The following GRID2 variants were observed in gnomAD, a reference collection of about 807,000 sequenced individuals.
GRID2 encodes glutamate ionotropic receptor delta type subunit 2, also known as glutamate receptor ionotropic, delta-2.
A neutral mutation model predicts 114.8 loss-of-function variants in GRID2; 33 were observed. The ratio of observed to expected loss-of-function variants is 0.29; its 90% CI spans 0.22 to 0.38. GRID2 has a LOEUF of 0.38. Ranked by LOEUF, GRID2 falls within the 10% of genes least tolerant of loss-of-function variation. The pLI is 1.00. For synonymous variants in GRID2, 505 were observed against 449.9 expected (o/e 1.12, Z -1.55); for missense variants, 1,184 against 1,257.7 (o/e 0.94, Z 0.89).
chr4:93,627,294 G>T (rs1225105215), intron 14 of GRID2, among the ~76,000 whole-genome samples: 1 of 151,998 alleles, frequency 6.6e-6, no homozygotes, highest in Non-Finnish European at 1.5e-5. Context: ...TAGTACTAAG[G>T]CCCTAAATTT....
At chr4:92,612,987 C>A in intron 2 of GRID2, among the ~76,000 whole-genome samples, 1 of 151,270 alleles carries the variant, frequency 6.6e-6, no homozygotes, top group East Asian at 1.9e-4. Flanking sequence ...AAAGTAAAAA[C>A]CATTTCCTGT....
intron 4 of GRID2, among the ~76,000 whole-genome samples, chr4:93,136,791 T>G (rs1284077882): frequency 3.3e-5 from 5 of 152,166 alleles, no homozygotes; most frequent in Admixed American, 3.3e-4. Context: ...TGATTTAAGG[T>G]GATTCCACAA....
At chr4:93,510,560 A>AAC (rs1729064242) in intron 12 of GRID2, among the ~76,000 whole-genome samples, 1 of 152,182 alleles carries the variant, frequency 6.6e-6, no homozygotes, top group Admixed American at 6.6e-5. Flanking sequence ...TGTCCCAGAG[A>AAC]GTTTGCTATG....
intron 9 of GRID2, among the ~76,000 whole-genome samples, chr4:93,405,632 C>T (rs939062455): frequency 6.6e-6 from 1 of 152,098 alleles, no homozygotes; most frequent in African/African-American, 2.4e-5. Context: ...GATTGACTTC[C>T]ATAATCAAAT....
chr4:93,200,427 G>T (rs556659645), intron 4 of GRID2, among the ~76,000 whole-genome samples: 2 of 152,030 alleles, frequency 1.3e-5, no homozygotes, highest in East Asian at 3.9e-4. Flanking sequence ...TTAGCCGGGC[G>T]TGGTAGCGGG....
intron 2 of GRID2, among the ~76,000 whole-genome samples, chr4:92,998,608 T>C (rs1375452016): frequency 6.6e-6 from 1 of 151,924 alleles, no homozygotes; most frequent in Non-Finnish European, 1.5e-5. Flanking sequence ...GTATTATTGT[T>C]CAAACAAGCT....
At chr4:92,304,819 C>T (rs1560557012) in intron 1 of GRID2, 75 bp downstream of exon 1, 5 of 1,026,800 alleles carry the variant, frequency 4.9e-6, no homozygotes, top group Non-Finnish European at 7.7e-6. Context: ...CGCTTTCCCC[C>T]TCTCCGGTCT....
Position 93,030,713 on chromosome 4 carries a change from C to T in GRID2, c.245-54282C>T, listed in dbSNP as rs116083444. The stretch of plus-strand genomic sequence containing the variant: ...GCTGCATCTTTCAAGACCGTAATAG[C>T]ATCTACAAACAGACCTCTTCAAATG... On this transcript the variant is annotated intron_variant, in intron 2 of 15. Transcript: ENST00000282020. Among the ~76,000 whole-genome samples, 728 of 151,940 alleles carry T rather than the reference C, an allele frequency of 4.8e-3. 8 individuals carry two copies. The highest frequency in any genetic ancestry group is 0.017 in the African/African-American group (699 of 41,440).
intron 2 of GRID2, among the ~76,000 whole-genome samples, chr4:93,051,058 T>TG (rs1181393500): frequency 6.6e-6 from 1 of 152,060 alleles, no homozygotes; most frequent in Non-Finnish European, 1.5e-5. Context: ...ACATCACTCT[T>TG]ATTCAACACA....
chr4:93,021,954 T>C (rs1402540222), intron 2 of GRID2, among the ~76,000 whole-genome samples: 1 of 151,098 alleles, frequency 6.6e-6, no homozygotes, highest in Non-Finnish European at 1.5e-5. Context: ...AAACTTCATA[T>C]TACATTGGTG....
intron 1 of GRID2, among the ~76,000 whole-genome samples, chr4:92,336,466 G>T (rs921051427): frequency 6.6e-6 from 1 of 152,014 alleles, no homozygotes; most frequent in Non-Finnish European, 1.5e-5. Flanking sequence ...AGAAGCAATC[G>T]TTCCTCCACA....
chr4:93,649,188 G>A (rs1722372333), intron 14 of GRID2, among the ~76,000 whole-genome samples: 1 of 151,964 alleles, frequency 6.6e-6, no homozygotes, highest in Non-Finnish European at 1.5e-5. Flanking sequence ...ATCGTTCTGT[G>A]CCTGTTGTTC....
chr4:93,406,741 T>C (rs1353876949), intron 9 of GRID2, among the ~76,000 whole-genome samples: 2 of 152,144 alleles, frequency 1.3e-5, no homozygotes, highest in Non-Finnish European at 2.9e-5. Flanking sequence ...TAAAGTAGGA[T>C]ACTCCCACAC....
At chr4:93,197,272 T>C (rs905747677) in intron 4 of GRID2, among the ~76,000 whole-genome samples, 1 of 152,188 alleles carries the variant, frequency 6.6e-6, no homozygotes, top group African/African-American at 2.4e-5. Context: ...TGAGAAAATT[T>C]TGTAGAACAT....
intron 13 of GRID2, among the ~76,000 whole-genome samples, chr4:93,521,765 T>C (rs1351765847): frequency 6.6e-6 from 1 of 152,032 alleles, no homozygotes; most frequent in Non-Finnish European, 1.5e-5. Context: ...ACAGAACTAA[T>C]ATTTGAGAGA....
intron 1 of GRID2, among the ~76,000 whole-genome samples, chr4:92,306,457 G>A (rs1450894787): frequency 2.0e-5 from 3 of 152,152 alleles, no homozygotes; most frequent in Non-Finnish European, 4.4e-5. Context: ...TAGAGAAATG[G>A]CATACATTTA....
chr4:92,647,807 G>A (rs556999119), intron 2 of GRID2, among the ~76,000 whole-genome samples: 3 of 149,708 alleles, frequency 2.0e-5, no homozygotes, highest in South Asian at 2.1e-4. Context: ...AATTTAACAT[G>A]TATGTCTGAA....
intron 1 of GRID2, among the ~76,000 whole-genome samples, chr4:92,377,775 C>T (rs1222355428): frequency 6.6e-6 from 1 of 152,102 alleles, no homozygotes; most frequent in East Asian, 1.9e-4. Context: ...CAAGGAAACC[C>T]CACCTTATAA....
chr4:92,794,372 G>A (rs577518832), intron 2 of GRID2, among the ~76,000 whole-genome samples: 57 of 151,836 alleles, frequency 3.8e-4, no homozygotes, highest in Non-Finnish European at 7.8e-4. Flanking sequence ...ATATATATGT[G>A]TGTATATACA....
Sources: allele counts gnomAD v4.1 joint callset (sites outside exome capture counted in the v4.1 genomes callset), GRCh38; gene constraint gnomAD v4.1.1; transcripts MANE v1.5; gene names NCBI Gene and HGNC (gene_info 2026-07-23, HGNC 2026-07-21).